FAM13C: variants seen among roughly 807,000 people sequenced by gnomAD.
FAM13C encodes the protein protein FAM13C.
In FAM13C, 37 loss-of-function variants were observed where a neutral mutation model predicts 73.2. That is an observed-to-expected ratio of 0.51 (90% CI 0.39 to 0.67). The LOEUF (loss-of-function observed/expected upper bound fraction) is 0.67, where lower values mean the gene tolerates loss of function less well. FAM13C is among the 30% of genes least tolerant of loss of function. FAM13C has a pLI of 0.00. For missense variants in FAM13C, 589 were observed against 715.6 expected, an observed-to-expected ratio of 0.82 and a Z score of 2.02; for synonymous variants, 246 against 260.9, an observed-to-expected ratio of 0.94 and a Z score of 0.55.
chr10:59,327,338 TA>T (rs1851292363), intron 3 of FAM13C, among the ~76,000 whole-genome samples: 1 of 152,200 alleles, frequency 6.6e-6, no homozygotes, highest in South Asian at 2.1e-4. Context: ...CATAAAGTTA[TA>T]AAGGAAAGAG....
At chr10:59,335,072 C>T (rs1589663544) in intron 3 of FAM13C, among the ~76,000 whole-genome samples, 1 of 152,178 alleles carries the variant, frequency 6.6e-6, no homozygotes, top group Admixed American at 6.6e-5. Flanking sequence ...ACAAACTCTA[C>T]AGTGGCCAAC....
rs564042941 is a variant in FAM13C at position 59,260,180 on chromosome 10, C to T, written c.1236+2254G>A. Among the ~76,000 whole-genome samples, 38 of 152,208 alleles carry T rather than the reference C, an allele frequency of 2.5e-4. No homozygotes were observed. In the South Asian group the frequency reaches 3.9e-3, roughly 16 times the overall value. On this transcript the variant is annotated intron_variant, in intron 10 of 13. Coordinates refer to ENST00000618804, the MANE Select transcript of FAM13C (RefSeq NM_198215.4). ...CACTTCTTTCCCTCTCCAAGGCCACCGTGCTAATCCAAGCCACCCATTCCA... is the reference window on the plus strand; with the variant it reads ...CACTTCTTTCCCTCTCCAAGGCCACTGTGCTAATCCAAGCCACCCATTCCA...
intron 3 of FAM13C, among the ~76,000 whole-genome samples, chr10:59,325,319 C>T (rs142531213): frequency 4.6e-5 from 7 of 152,264 alleles, no homozygotes; most frequent in Non-Finnish European, 8.8e-5. Flanking sequence ...GCCAAGAAGT[C>T]ATCATCACAA....
intron 3 of FAM13C, among the ~76,000 whole-genome samples, chr10:59,347,278 C>G (rs926828298): frequency 2.6e-5 from 4 of 152,158 alleles, no homozygotes; most frequent in Non-Finnish European, 5.9e-5. Flanking sequence ...AAACTGGAAT[C>G]TTTCATTCAC....
chr10:59,281,235 T>C (rs1844888343), intron 6 of FAM13C, among the ~76,000 whole-genome samples: 2 of 152,166 alleles, frequency 1.3e-5, no homozygotes, highest in Admixed American at 1.3e-4. Context: ...CCAAAGATCA[T>C]TCTAGAAATC....
intron 3 of FAM13C, among the ~76,000 whole-genome samples, chr10:59,334,803 A>G (rs1383675839): frequency 6.6e-6 from 1 of 151,918 alleles, no homozygotes; most frequent in East Asian, 1.9e-4. Context: ...CCTAATGTTA[A>G]ATGACGAGTT....
chr10:59,345,326 T>A (rs1223196692), intron 3 of FAM13C, among the ~76,000 whole-genome samples: 1 of 152,230 alleles, frequency 6.6e-6, no homozygotes, highest in Non-Finnish European at 1.5e-5. Context: ...TATCAAATTC[T>A]CCATTGGTTA....
At chr10:59,306,822 T>A (rs531589860) in intron 4 of FAM13C, among the ~76,000 whole-genome samples, 1 of 152,184 alleles carries the variant, frequency 6.6e-6, no homozygotes, top group South Asian at 2.1e-4. Context: ...TGCAGTGAGC[T>A]GAGATCGTGC....
chr10:59,360,803 A>C (rs1856294209), intron 1 of FAM13C, among the ~76,000 whole-genome samples: 1 of 149,540 alleles, frequency 6.7e-6, no homozygotes, highest in African/African-American at 2.5e-5. Flanking sequence ...GGGAGTGTCC[A>C]AAGACAAGGC....
chr10:59,264,695 G>A lies in FAM13C; in HGVS notation c.943-529C>T, dbSNP rs114639175. Among the ~76,000 whole-genome samples the A allele has an allele frequency of 9.5e-3, 1,448 of 152,238 alleles. 5 individuals carry two copies. Among genetic ancestry groups the A allele is most frequent in the Admixed American group, 0.021 (320 of 15,274 alleles). ...AGTTATATCCTCTAAGCTAAAGAAA[G>A]GAGACTCCGGAATCTCTAAAACCTG... On this transcript the variant is annotated intron_variant, in intron 8 of 13. Transcript: ENST00000618804.
chr10:59,332,392 G>A (rs537934918), intron 3 of FAM13C, among the ~76,000 whole-genome samples: 1 of 152,088 alleles, frequency 6.6e-6, no homozygotes, highest in East Asian at 1.9e-4. Context: ...AAACATTTAA[G>A]GGACAGGCAG....
rs558469830 is a variant in FAM13C at position 59,355,847 on chromosome 10, T to C, written c.119+40A>G. The C allele has an allele frequency of 1.0e-5, 16 of 1,594,810 alleles. No individual in the cohort carries two copies. The East Asian group carries it at 3.6e-4, about 36-fold the overall frequency. On this transcript the variant is annotated intron_variant, in intron 2 of 13. Coordinates refer to ENST00000618804, the MANE Select transcript of FAM13C (RefSeq NM_198215.4). ...AAAGCCACCAGACCTAGATGGCTTC[T>C]GTCTCTCACAAATATGAACCAAGCA...
intron 6 of FAM13C, among the ~76,000 whole-genome samples, chr10:59,273,732 C>T (rs571599341): frequency 6.6e-6 from 1 of 152,200 alleles, no homozygotes; most frequent in South Asian, 2.1e-4. Context: ...TCTGGCAGCA[C>T]AGTCACTGAG....
At chr10:59,356,172 C>T (rs570409342) in intron 1 of FAM13C, among the ~76,000 whole-genome samples, 3 of 152,194 alleles carry the variant, frequency 2.0e-5, no homozygotes, top group South Asian at 2.1e-4. Context: ...TCCTTTTTGC[C>T]TCCACTGTCC....
At chr10:59,337,652 C>CT (rs1226277185) in intron 3 of FAM13C, among the ~76,000 whole-genome samples, 3 of 107,498 alleles carry the variant, frequency 2.8e-5, no homozygotes, top group East Asian at 2.9e-4. Flanking sequence ...TTTCCATTTT[C>CT]TTTTTTTTCT....
chr10:59,301,735 T>C (rs1847627086), intron 5 of FAM13C, among the ~76,000 whole-genome samples: 1 of 152,226 alleles, frequency 6.6e-6, no homozygotes, highest in Admixed American at 6.5e-5. Flanking sequence ...AAACTCTTTT[T>C]CACTCACTAC....
chr10:59,339,330 C>T (rs1775333810), intron 3 of FAM13C, among the ~76,000 whole-genome samples: 1 of 152,138 alleles, frequency 6.6e-6, no homozygotes, highest in Non-Finnish European at 1.5e-5. Flanking sequence ...CTTCAACATA[C>T]AAGAGGGAAA....
intron 10 of FAM13C, 134 bp from the exon 11 acceptor site, chr10:59,254,577 ATTTATTTAT>A (rs1841754098): frequency 8.8e-5 from 1 of 11,310 alleles, no homozygotes; most frequent in Admixed American, 7.4e-4. Context: ...AAGGAAAGTC[ATTTATTTAT>A]TTATTTATTT....
At chr10:59,291,375 C>T (rs1243370334) in intron 5 of FAM13C, among the ~76,000 whole-genome samples, 1 of 152,148 alleles carries the variant, frequency 6.6e-6, no homozygotes, top group Non-Finnish European at 1.5e-5. Flanking sequence ...TTGGCGAATC[C>T]CTCTGAGGAC....
Sources: allele counts gnomAD v4.1 joint callset (sites outside exome capture counted in the v4.1 genomes callset), GRCh38; gene constraint gnomAD v4.1.1; transcripts MANE v1.5; gene names NCBI Gene and HGNC (gene_info 2026-07-23, HGNC 2026-07-21).